CYFIP1: variants seen among roughly 807,000 people sequenced by gnomAD.
CYFIP1 encodes the protein cytoplasmic FMR1-interacting protein 1.
Under a neutral mutation model 163.5 loss-of-function variants are expected in CYFIP1, and 58 were observed. The observed-to-expected ratio is 0.35, with a 90% CI of 0.29 to 0.44. The LOEUF (loss-of-function observed/expected upper bound fraction) is 0.44. Ranked by LOEUF, CYFIP1 falls within the 20% of genes least tolerant of loss-of-function variation. The pLI is 1.00. For synonymous variants in CYFIP1, 663 were observed against 660.7 expected, an observed-to-expected ratio of 1.00 and a Z score of -0.05; for missense variants, 1,338 against 1,653.8, an observed-to-expected ratio of 0.81 and a Z score of 3.31.
chr15:22,943,130 G>C (rs1265068836), intron 6 of CYFIP1, 43 bp downstream of exon 6: 2 of 1,591,886 alleles, frequency 1.3e-6, no homozygotes, highest in Non-Finnish European at 1.7e-6. Context: ...CACTGAGCTG[G>C]GTGCTCTCGG....
intron 22 of CYFIP1, among the ~76,000 whole-genome samples, chr15:22,894,532 C>T (rs1027641595): frequency 2.0e-5 from 3 of 151,454 alleles, no homozygotes; most frequent in East Asian, 1.9e-4. Flanking sequence ...TCAAGTGATC[C>T]GCCCACCTTG....
In CYFIP1 at chr15:22,908,030, T is replaced by C. The variant is rs565649026; in HGVS notation, c.2388+1164A>G. Among the ~76,000 whole-genome samples the C allele has an allele frequency of 3.2e-4, 49 of 152,342 alleles. 2 individuals are homozygous for C. In the South Asian group the frequency reaches 9.3e-3, roughly 29 times the overall value. The stretch of plus-strand genomic sequence containing the variant: ...CTTTTCTGTCTCATTCATTTTTATT[T>C]TTCTCTGTTCCCCAGTTCAGATGTT... On this transcript the variant is annotated intron_variant, in intron 21 of 30. Transcript: ENST00000617928.
chr15:22,957,605 C>CAGG (rs1373907214), intron 1 of CYFIP1, among the ~76,000 whole-genome samples: 2 of 152,166 alleles, frequency 1.3e-5, no homozygotes, highest in East Asian at 3.8e-4. Flanking sequence ...CACTGCACTC[C>CAGG]AGCCTGGGCG....
At chr15:22,962,778 C>A (rs1355105900) in intron 1 of CYFIP1, among the ~76,000 whole-genome samples, 2 of 152,166 alleles carry the variant, frequency 1.3e-5, no homozygotes, top group African/African-American at 4.8e-5. Flanking sequence ...TATATAGTCA[C>A]CTGACCTATT....
At chr15:22,946,804 CAT>C (rs1208352072) in intron 3 of CYFIP1, 197 bp downstream of exon 3, 1 of 699,042 alleles carries the variant, frequency 1.4e-6, no homozygotes, top group South Asian at 1.5e-5. Context: ...GGGCCAGAGA[CAT>C]TGAATTTTCA....
intron 1 of CYFIP1, among the ~76,000 whole-genome samples, chr15:22,975,669 G>T (rs1358191651): frequency 6.6e-6 from 1 of 152,138 alleles, no homozygotes; most frequent in Non-Finnish European, 1.5e-5. Flanking sequence ...TGAGGCAGGA[G>T]AATGGCTTAA....
In CYFIP1 at chr15:22,939,290, C is replaced by T; in HGVS notation, c.697G>A (p.Gly233Ser). ...ATATCTGCCAGGAGCTCTTCGTAGC[C>T]AGAAATCACTTCGAGCTGCTGCTGC... ...SLQQQLEVIS[G>S]YEELLADIVN... The change falls in exon 8 of 31, where the codon GGC becomes AGC. Residue 233 changes from glycine (G) to serine (S), a missense_variant. Transcript: ENST00000617928. 1.9e-6 allele frequency: 3 copies of T among 1,614,134 alleles called. No individual in the cohort carries two copies. Among genetic ancestry groups the T allele is most frequent in the Non-Finnish European group, 2.5e-6 (3 of 1,180,014 alleles).
rs528402834 is a variant in CYFIP1 at position 22,964,433 on chromosome 15, G to A, written c.-7+15854C>T. Among the ~76,000 whole-genome samples, 23 of 145,522 alleles carry A rather than the reference G, an allele frequency of 1.6e-4. No individual in the cohort carries two copies. In the East Asian group the frequency reaches 1.9e-3, roughly 12 times the overall value. ...CCCGGCAGCCCTGCCAGCAGACTCC[G>A]CAGCCTGGAAGGCAGGAAGCAGCCT... On this transcript the variant is annotated intron_variant, in intron 1 of 30. Coordinates refer to ENST00000617928, the MANE Select transcript of CYFIP1 (RefSeq NM_014608.6).
rs1363661814 is a variant in CYFIP1, at chr15:22,880,824, G to GAC, written c.2912-783_2912-782dup. The stretch of plus-strand genomic sequence containing the variant: ...TCCCAGCTCTCAGCACCGCTGCAGG[G>GAC]ACTCAGCCCCACTTGGCGGGGGTGG... On this transcript the variant is annotated intron_variant, in intron 25 of 30. Coordinates refer to ENST00000617928, the MANE Select transcript of CYFIP1 (RefSeq NM_014608.6). Among the ~76,000 whole-genome samples the GAC allele has an allele frequency of 2.6e-5, 4 of 152,250 alleles. No individual in the cohort carries two copies. In the East Asian group the frequency reaches 7.7e-4, roughly 29 times the overall value.
At chr15:22,942,590 T>C (rs1358930887) in intron 6 of CYFIP1, among the ~76,000 whole-genome samples, 2 of 152,148 alleles carry the variant, frequency 1.3e-5, no homozygotes, top group Non-Finnish European at 2.9e-5. Context: ...CCGCTCGTCT[T>C]GCCAGCCTCT....
chr15:22,921,425 C>T (rs1309879907), intron 13 of CYFIP1, among the ~76,000 whole-genome samples: 3 of 150,556 alleles, frequency 2.0e-5, no homozygotes, highest in Non-Finnish European at 4.4e-5. Flanking sequence ...AAACAGAAAA[C>T]AAGTGTATAA....
chr15:22,873,461 G>T, intron 29 of CYFIP1, 30 bp downstream of exon 29: 1 of 1,578,958 alleles, frequency 6.3e-7, no homozygotes, highest in Non-Finnish European at 8.7e-7. Flanking sequence ...CCTCCTCTGG[G>T]GCTTTGTCCT....
intron 21 of CYFIP1, among the ~76,000 whole-genome samples, chr15:22,906,205 C>G (rs535362396): frequency 6.6e-6 from 1 of 151,514 alleles, no homozygotes; most frequent in South Asian, 2.1e-4. Flanking sequence ...CTCCTGGGTT[C>G]AAGCAATTCT....
At chr15:22,900,652 G>A (rs1207307250) in intron 22 of CYFIP1, among the ~76,000 whole-genome samples, 2 of 151,174 alleles carry the variant, frequency 1.3e-5, no homozygotes, top group Non-Finnish European at 2.9e-5. Context: ...TGCCCGCCTC[G>A]GCCTCCCAAA....
chr15:22,927,778 A>G (rs1254248892), intron 12 of CYFIP1, 128 bp downstream of exon 12: 2 of 888,300 alleles, frequency 2.3e-6, no homozygotes, highest in African/African-American at 3.6e-5. Context: ...CACCTTGGAA[A>G]CATATCTACT....
intron 6 of CYFIP1, among the ~76,000 whole-genome samples, chr15:22,941,682 A>C (rs2061898167): frequency 6.6e-6 from 1 of 152,060 alleles, no homozygotes. Context: ...TTTGGTGCTC[A>C]GGGGAACCTG....
At chr15:22,974,210 AG>A (rs1303192894) in intron 1 of CYFIP1, among the ~76,000 whole-genome samples, 1 of 152,168 alleles carries the variant, frequency 6.6e-6, no homozygotes, top group Non-Finnish European at 1.5e-5. Context: ...CGTATGTCCA[AG>A]AGATCGCTGT....
rs2061834447 is a variant in CYFIP1, at chr15:22,939,595, G to A, written c.570-88C>T. 1.6e-5 allele frequency: 15 copies of A among 958,842 alleles called. No homozygotes were observed. In the East Asian group the frequency reaches 2.7e-4, roughly 17 times the overall value. 59.4% of individuals were successfully genotyped at this position (958,842 alleles called of 1,614,324 possible). A position where few individuals can be genotyped will look rare whatever the true frequency, so the allele number is the denominator to read the frequency against. On this transcript the variant is annotated intron_variant, in intron 6 of 30. Coordinates refer to ENST00000617928, the MANE Select transcript of CYFIP1 (RefSeq NM_014608.6). ...AAAAAAAAAAAAGCCTGGTTCGAGT[G>A]GGATCCCTTTCCCCTACAGTCATCT...
In CYFIP1 at chr15:22,868,641, TTGAG is replaced by T. The variant is rs1242256782; in HGVS notation, c.*1383_*1386del. 1.3e-5 allele frequency: 2 copies of T among 151,316 alleles called. No homozygotes were observed. Among genetic ancestry groups the T allele is most frequent in the East Asian group, 1.9e-4 (1 of 5,134 alleles). 9.4% of individuals were successfully genotyped at this position (151,316 alleles called of 1,614,324 possible). ...AATTGTTTGTTAGGCTTCATGTCAC[TTGAG>T]TGAGTTTGGCAGTGTAACAGGATGG... On this transcript the variant is annotated 3_prime_UTR_variant, in exon 31 of 31. Coordinates refer to ENST00000617928, the MANE Select transcript of CYFIP1 (RefSeq NM_014608.6).
Sources: allele counts gnomAD v4.1 joint callset (sites outside exome capture counted in the v4.1 genomes callset), GRCh38; gene constraint gnomAD v4.1.1; transcripts MANE v1.5; gene names NCBI Gene and HGNC (gene_info 2026-07-23, HGNC 2026-07-21).